The following TTC23 variants were observed in gnomAD, a reference collection of about 807,000 sequenced individuals.
The protein encoded by TTC23 is tetratricopeptide repeat domain 23.
A neutral mutation model predicts 55.1 loss-of-function variants in TTC23; 58 were observed. That is an observed-to-expected ratio of 1.05 (90% CI 0.85 to 1.31). The LOEUF is 1.31. Among genes scored for constraint, TTC23 ranks in the 50% most tolerant of loss-of-function variants. TTC23 has a pLI of 0.00. For synonymous variants in TTC23, 203 were observed against 199.9 expected (o/e 1.02, Z -0.13); for missense variants, 516 against 534.4 (o/e 0.97, Z 0.34).
intron 11 of TTC23, chr15:99,160,916 AG>A (rs2071282278): frequency 6.6e-6 from 1 of 150,704 alleles, no homozygotes; most frequent in South Asian, 2.1e-4. Context: ...CGGGGGGCTG[AG>A]GCAGAAAATT....
intron 8 of TTC23, among the ~76,000 whole-genome samples, chr15:99,211,110 C>G (rs947878988): frequency 6.6e-6 from 1 of 152,194 alleles, no homozygotes; most frequent in Admixed American, 6.5e-5. Context: ...TGCAGTGGCT[C>G]ATGCCTGTAA....
chr15:99,155,860 A>G (rs544995059), intron 12 of TTC23: 3 of 475,882 alleles, frequency 6.3e-6, no homozygotes, highest in African/African-American at 3.8e-5. Flanking sequence ...CTCAGTATAG[A>G]GAGAGCACCG....
intron 9 of TTC23, among the ~76,000 whole-genome samples, chr15:99,182,870 T>C (rs1236670043): frequency 3.3e-5 from 5 of 151,248 alleles, no homozygotes; most frequent in Admixed American, 1.3e-4. Context: ...GGCACTTGGA[T>C]TGATGTCATT....
intron 4 of TTC23, among the ~76,000 whole-genome samples, chr15:99,231,575 C>T (rs937071189): frequency 5.9e-5 from 9 of 152,158 alleles, no homozygotes; most frequent in African/African-American, 2.2e-4. Context: ...TCACTGCAAG[C>T]TCCGCCTCCC....
intron 13 of TTC23, 46 bp downstream of exon 13, chr15:99,139,271 A>C (rs782320750): frequency 1.3e-6 from 2 of 1,590,366 alleles, no homozygotes; most frequent in East Asian, 4.5e-5. Context: ...GAGATTCTGA[A>C]TGGAAAGGGA....
chr15:99,161,611 T>C (rs1018260546), intron 11 of TTC23, 129 bp downstream of exon 11: 3 of 1,029,744 alleles, frequency 2.9e-6, no homozygotes, highest in Non-Finnish European at 4.1e-6. Context: ...GCCTTATTTA[T>C]GTGTCCCTCT....
chr15:99,238,301 T>TA (rs1306461723), intron 3 of TTC23, among the ~76,000 whole-genome samples: 1 of 152,144 alleles, frequency 6.6e-6, no homozygotes, highest in African/African-American at 2.4e-5. Context: ...CACAACTATT[T>TA]ACTGAATTCT....
Position 99,156,962 on chromosome 15 carries a change from A to G in TTC23, c.994-665T>C, listed in dbSNP as rs1219662422. Among the ~76,000 whole-genome samples, 7 of 152,206 alleles carry G rather than the reference A, an allele frequency of 4.6e-5. No individual in the cohort carries two copies. The South Asian group carries it at 1.5e-3, about 32-fold the overall frequency. ...ATGTCACTAATTGTGCTGAACACAC[A>G]CAATTGTGTGGGTCTCATTTAATTT... On this transcript the variant is annotated intron_variant, in intron 11 of 13. Coordinates refer to ENST00000394132, the MANE Select transcript of TTC23 (RefSeq NM_001288615.3).
chr15:99,144,890 A>G (rs555260551), intron 12 of TTC23: 11 of 152,342 alleles, frequency 7.2e-5, no homozygotes, highest in Middle Eastern at 3.4e-3. Flanking sequence ...CAGAAACTTG[A>G]AAATTGTGCT....
chr15:99,206,114 T>A (rs2076606698), intron 8 of TTC23, among the ~76,000 whole-genome samples: 1 of 152,226 alleles, frequency 6.6e-6, no homozygotes, highest in African/African-American at 2.4e-5. Flanking sequence ...TTTGTTGATG[T>A]GAGGTATCAT....
upstream of TTC23, chr15:99,251,220 G>A (rs1284400858): frequency 6.6e-6 from 1 of 152,422 alleles, no homozygotes; most frequent in Non-Finnish European, 1.5e-5. Context: ...CCGGAAGCAA[G>A]AGTAGAGCCG....
At chr15:99,183,319 T>A (rs1026671781) in intron 9 of TTC23, among the ~76,000 whole-genome samples, 1 of 149,400 alleles carries the variant, frequency 6.7e-6, no homozygotes, top group Non-Finnish European at 1.5e-5. Flanking sequence ...GAAATTTCTT[T>A]CTTTTCTTTT....
At chr15:99,206,356 A>G (rs1340051247) in intron 8 of TTC23, among the ~76,000 whole-genome samples, 3 of 152,090 alleles carry the variant, frequency 2.0e-5, no homozygotes, top group Admixed American at 6.6e-5. Context: ...TTCCTCCTCA[A>G]TTTTCTGAAA....
Position 99,139,418 on chromosome 15 carries a change from C to T in TTC23, c.1144-19G>A, listed in dbSNP as rs1555489013. On this transcript the variant is annotated intron_variant, in intron 12 of 13. Coordinates refer to ENST00000394132, the MANE Select transcript of TTC23 (RefSeq NM_001288615.3). ...GGAGACACTGTAGAACACCAAGCAG[C>T]TATCATGAGGCTATGGAAGTGTCGC... 1 of 1,614,088 alleles carries T rather than the reference C, an allele frequency of 6.2e-7. No individual in the cohort carries two copies. Among genetic ancestry groups the T allele is most frequent in the Non-Finnish European group, 8.5e-7 (1 of 1,179,998 alleles).
intron 4 of TTC23, among the ~76,000 whole-genome samples, chr15:99,232,615 C>T (rs529300438): frequency 3.3e-5 from 5 of 152,120 alleles, no homozygotes; most frequent in South Asian, 2.1e-4. Flanking sequence ...TTTCATCTTA[C>T]ACCTGTTAAA....
chr15:99,163,239 T>G (rs1011356715), intron 10 of TTC23, among the ~76,000 whole-genome samples: 11 of 152,144 alleles, frequency 7.2e-5, no homozygotes, highest in African/African-American at 2.7e-4. Context: ...ATGGAAAGCA[T>G]GACAGAGATT....
rs1328119162 is a variant in TTC23 at position 99,187,466 on chromosome 15, AAACAAAAC to A, written c.760-12319_760-12312del. Among the ~76,000 whole-genome samples, 18 of 145,594 alleles carry A rather than the reference AAACAAAAC, an allele frequency of 1.2e-4. 2 individuals carry two copies. The highest frequency in any genetic ancestry group is 3.9e-4 in the African/African-American group (15 of 38,712). ...AAAAGCACAAGCAAAAAAAAAAAAA[AAACAAAAC>A]AAAAGAAACCCAACATAGACAAGTT... is the stretch of plus-strand genomic sequence containing the variant. On this transcript the variant is annotated intron_variant, in intron 9 of 13. Coordinates refer to ENST00000394132, the MANE Select transcript of TTC23 (RefSeq NM_001288615.3).
In TTC23 at chr15:99,218,608, C is replaced by A; in HGVS notation, c.561G>T (p.Arg187=). The A allele has an allele frequency of 6.2e-7, 1 of 1,614,184 alleles. No individual in the cohort carries two copies. The highest frequency in any genetic ancestry group is 8.5e-7 in the Non-Finnish European group (1 of 1,180,034). Residue 187 remains arginine, a synonymous_variant, in exon 8 of 14, where the codon CGG becomes CGT. Coordinates refer to ENST00000394132, the MANE Select transcript of TTC23 (RefSeq NM_001288615.3). ...CTTACTGTGCAAATGATAATCTGAT[C>A]CGTGCTTCAATTTCTATCCATTCTT... ...IKEEWIEIEA[R]IRLSFAQVYQ... is the part of the protein sequence containing the mutation.
At chr15:99,161,975 G>C (rs550216839) in intron 10 of TTC23, 108 bp from the exon 11 acceptor site, 1 of 1,244,416 alleles carries the variant, frequency 8.0e-7, no homozygotes, top group Admixed American at 3.2e-5. Flanking sequence ...GAGGTATTGG[G>C]ACAAGAAAAA....
Sources: gnomAD v4.1 joint callset for allele counts (sites outside exome capture counted in the v4.1 genomes callset) on GRCh38, gnomAD v4.1.1 for gene constraint, MANE v1.5 for transcripts, NCBI Gene and HGNC (gene_info 2026-07-23, HGNC 2026-07-21) for gene names.